The following CEP89 variants were observed in gnomAD, a reference collection of about 807,000 sequenced individuals.
CEP89 encodes centrosomal protein of 89 kDa.
A neutral mutation model predicts 97.6 loss-of-function variants in CEP89; 95 were observed. That is an observed-to-expected ratio of 0.97 (90% confidence interval 0.82 to 1.15). The LOEUF is 1.15. CEP89 is among the 50% of genes most tolerant of loss of function. The pLI is 0.00. For synonymous variants in CEP89, 354 were observed against 349.1 expected (o/e 1.01, Z -0.16); for missense variants, 869 against 947.7 (o/e 0.92, Z 1.09).
chr19:32,898,674 G>A (rs930404258), intron 16 of CEP89, among the ~76,000 whole-genome samples: 4 of 152,034 alleles, frequency 2.6e-5, no homozygotes, highest in Admixed American at 2.6e-4. Flanking sequence ...TTGAGGCCAG[G>A]AATTCAAGAC....
rs1321984500 is a variant in CEP89 at position 32,927,169 on chromosome 19, C to CATCT, written c.1030-186_1030-185insAGAT. Among the ~76,000 whole-genome samples the CATCT allele has an allele frequency of 2.3e-5, 3 of 132,500 alleles. No homozygotes were observed. In the East Asian group the frequency reaches 6.5e-4, roughly 29 times the overall value. The allele number at this position is 132,500 out of a possible 152,430, so 86.9% of individuals were successfully genotyped here. On this transcript the variant is annotated intron_variant, in intron 9 of 18. Coordinates refer to ENST00000305768, the MANE Select transcript of CEP89 (RefSeq NM_032816.5). ...CCATCCATCCATCCATCCATCTATC[C>CATCT]ATCCATCCATCCATCCATCCACTTT... is the stretch of plus-strand genomic sequence containing the variant.
Position 32,878,827 on chromosome 19 carries a change from G to T in CEP89, c.*335C>A. ...AACAAAAAAGAAAAAAATTAGCTGG[G>T]CCTGACAGTGCACACCTGAGGTCCC... On this transcript the variant is annotated 3_prime_UTR_variant, in exon 19 of 19. Transcript: ENST00000305768. 4.8e-6 allele frequency: 1 copy of T among 210,462 alleles called. No individual in the cohort carries two copies. 13.0% of individuals were successfully genotyped at this position (210,462 alleles called of 1,614,324 possible).
At chr19:32,918,143 C>A (rs901580159) in intron 13 of CEP89, 81 bp downstream of exon 13, 13 of 733,604 alleles carry the variant, frequency 1.8e-5, no homozygotes, top group Non-Finnish European at 1.6e-5. Flanking sequence ...TCAACTGGGG[C>A]CCCCGGCAGG....
Position 32,971,936 on chromosome 19 carries a change from G to C in CEP89, c.-62C>G. 1 of 1,541,906 alleles carries C rather than the reference G, an allele frequency of 6.5e-7. No homozygotes were observed. The highest frequency in any genetic ancestry group is 8.8e-7 in the Non-Finnish European group (1 of 1,135,608). On this transcript the variant is annotated 5_prime_UTR_variant, in exon 1 of 19. Coordinates refer to ENST00000305768, the MANE Select transcript of CEP89 (RefSeq NM_032816.5). ...TCATCAGCAGATCTATCCACAGCCA[G>C]GGACCACTCCCTAAAGCCCGCCGCA...
intron 5 of CEP89, among the ~76,000 whole-genome samples, chr19:32,944,979 C>G (rs1970765553): frequency 6.6e-6 from 1 of 152,174 alleles, no homozygotes; most frequent in African/African-American, 2.4e-5. Context: ...CTAGAAACGA[C>G]AGAGTCAAGG....
At position 32,915,489 on chromosome 19, in the gene CEP89, G is replaced by A; in HGVS notation, c.1413C>T (p.Leu471=). The change falls in exon 14 of 19, where the codon CTC becomes CTT. Residue 471 remains leucine, a synonymous_variant. Transcript: ENST00000305768. ...EVSKLTKQLM[L]LEAKTHGQEK... ...CCTGGCCGTGGGTTTTTGCCTCCAG[G>A]AGCATTAGTTGTTTAGTCAGCTTAG... 4 of 1,611,728 alleles carry A rather than the reference G, an allele frequency of 2.5e-6. No individual in the cohort carries two copies. Among genetic ancestry groups the A allele is most frequent in the South Asian group, 2.2e-5 (2 of 90,200 alleles).
At chr19:32,906,629 C>T (rs1684811754) in intron 14 of CEP89, among the ~76,000 whole-genome samples, 1 of 151,680 alleles carries the variant, frequency 6.6e-6, no homozygotes, top group South Asian at 2.1e-4. Flanking sequence ...ATCAACCATC[C>T]CCTCCTCAGG....
intron 17 of CEP89, among the ~76,000 whole-genome samples, chr19:32,885,593 A>AT (rs1369213529): frequency 2.6e-5 from 4 of 152,068 alleles, no homozygotes; most frequent in Admixed American, 6.6e-5. Flanking sequence ...AAGTGCTTGG[A>AT]TTACAGGCAT....
chr19:32,917,171 T>C (rs1970144348), intron 13 of CEP89, among the ~76,000 whole-genome samples: 1 of 152,012 alleles, frequency 6.6e-6, no homozygotes, highest in Non-Finnish European at 1.5e-5. Context: ...TTCAAGAAAA[T>C]TAAGCTCAGT....
In CEP89 at chr19:32,926,798, C is replaced by T. The variant is rs1970367493; in HGVS notation, c.1080+136G>A. Reference sequence around the variant, plus strand: ...GCTGGTCTTGAACCCTTGACCTCAACTGATCCACCCGCCTCAGCCTTCCAA... The same window carrying T: ...GCTGGTCTTGAACCCTTGACCTCAATTGATCCACCCGCCTCAGCCTTCCAA... On this transcript the variant is annotated intron_variant, in intron 10 of 18. Transcript: ENST00000305768. The T allele has an allele frequency of 9.9e-6, 7 of 709,376 alleles. No individual in the cohort carries two copies. In the South Asian group the frequency reaches 1.2e-4, roughly 12 times the overall value. The allele number at this position is 709,376 out of a possible 1,614,324, so 43.9% of individuals were successfully genotyped here. A position where few individuals can be genotyped will look rare whatever the true frequency, so the allele number is the denominator to read the frequency against.
intron 16 of CEP89, among the ~76,000 whole-genome samples, chr19:32,889,733 C>A (rs1291178748): frequency 6.6e-6 from 1 of 152,208 alleles, no homozygotes; most frequent in Non-Finnish European, 1.5e-5. Context: ...TCCTGCCCTA[C>A]AAACAAGACG....
At chr19:32,931,852 C>T (rs1970481264) in intron 8 of CEP89, among the ~76,000 whole-genome samples, 1 of 152,156 alleles carries the variant, frequency 6.6e-6, no homozygotes, top group Non-Finnish European at 1.5e-5. Context: ...AAGGAATAGT[C>T]ATTGTTTCAG....
chr19:32,939,891 GA>G lies in CEP89; in HGVS notation c.596-7del. 2 of 1,262,078 alleles carry G rather than the reference GA, an allele frequency of 1.6e-6. No individual in the cohort carries two copies. The highest frequency in any genetic ancestry group is 2.3e-6 in the Non-Finnish European group (2 of 883,632). The allele number at this position is 1,262,078 out of a possible 1,614,324, so 78.2% of individuals were successfully genotyped here. ...CAGAACAGGGTGTTTACCATCTGAT[GA>G]AGAAAAAGAGAGAGAGATAAACTTT... is the stretch of plus-strand genomic sequence containing the variant. On this transcript the variant is annotated splice_polypyrimidine_tract_variant and splice_region_variant and intron_variant, in intron 5 of 18. Transcript: ENST00000305768.
Position 32,878,376 on chromosome 19 carries a change from GT to G in CEP89, c.*785del, listed in dbSNP as rs142296375. 37,169 of 151,406 alleles carry G rather than the reference GT, an allele frequency of 0.25. 5,485 individuals are homozygous for G. Among genetic ancestry groups the G allele is most frequent in the Non-Finnish European group, 0.35 (23,967 of 68,084 alleles). 9.4% of individuals were successfully genotyped at this position (151,406 alleles called of 1,614,324 possible). ...AGGGCATGAACAGCAGCAGCACCTT[GT>G]TTTTTTTGACCAAACAAGAAAAGGC... On this transcript the variant is annotated 3_prime_UTR_variant, in exon 19 of 19. Transcript: ENST00000305768.
At chr19:32,922,971 G>A (rs751074020) in intron 12 of CEP89, among the ~76,000 whole-genome samples, 6 of 152,310 alleles carry the variant, frequency 3.9e-5, no homozygotes, top group Middle Eastern at 3.4e-3. Flanking sequence ...AGGGGCTTTC[G>A]GAGGAAGGAC....
chr19:32,914,443 AT>A (rs567475462), intron 14 of CEP89, among the ~76,000 whole-genome samples: 5 of 151,024 alleles, frequency 3.3e-5, no homozygotes, highest in African/African-American at 1.2e-4. Context: ...TATTATTATT[AT>A]TTTTTTTGGT....
At chr19:32,970,212 C>T (rs1425762840) in intron 1 of CEP89, 1 of 152,300 alleles carries the variant, frequency 6.6e-6, no homozygotes, top group Non-Finnish European at 1.5e-5. Context: ...ACGTCACTGC[C>T]CTTCTGGTAC....
chr19:32,947,502 T>C (rs577390782), intron 5 of CEP89, among the ~76,000 whole-genome samples: 1 of 152,288 alleles, frequency 6.6e-6, no homozygotes, highest in South Asian at 2.1e-4. Flanking sequence ...ACTTTTCCTT[T>C]TTTTTTGAGA....
In CEP89 at chr19:32,876,297, C is replaced by G. The variant is rs977554777; in HGVS notation, c.*2865G>C. On this transcript the variant is annotated 3_prime_UTR_variant, in exon 19 of 19. Coordinates refer to ENST00000305768, the MANE Select transcript of CEP89 (RefSeq NM_032816.5). Reference sequence around the variant, plus strand: ...GGGCTGCTTTTAAATAATGGCAAAGCCAGCAAGGCTCACTCGCGTGCCTGG... The same window carrying G: ...GGGCTGCTTTTAAATAATGGCAAAGGCAGCAAGGCTCACTCGCGTGCCTGG... 2 of 152,260 alleles carry G rather than the reference C, an allele frequency of 1.3e-5. No individual in the cohort carries two copies. Among genetic ancestry groups the G allele is most frequent in the African/African-American group, 4.8e-5 (2 of 41,438 alleles). The allele number at this position is 152,260 out of a possible 1,614,324, so 9.4% of individuals were successfully genotyped here. A position where few individuals can be genotyped will look rare whatever the true frequency, so the allele number is the denominator to read the frequency against.
Sources: allele counts gnomAD v4.1 joint callset (sites outside exome capture counted in the v4.1 genomes callset), GRCh38; gene constraint gnomAD v4.1.1; transcripts MANE v1.5; gene names NCBI Gene and HGNC (gene_info 2026-07-23, HGNC 2026-07-21).